Variants in PLXDC2 observed in about 807,000 individuals in gnomAD.
The protein encoded by PLXDC2 is plexin domain-containing protein 2.
A neutral mutation model predicts 68.9 loss-of-function variants in PLXDC2; 40 were observed. The ratio of observed to expected loss-of-function variants is 0.58; its 90% CI spans 0.45 to 0.76. The LOEUF is 0.76. Ranked by LOEUF, PLXDC2 falls within the 30% of genes least tolerant of loss-of-function variation. The pLI is 0.00. For synonymous variants in PLXDC2, 243 were observed against 234.2 expected (o/e 1.04, Z -0.34); for missense variants, 644 against 661.9 (o/e 0.97, Z 0.30).
At chr10:19,967,350 A>G (rs1439677496) in intron 1 of PLXDC2, among the ~76,000 whole-genome samples, 1 of 152,212 alleles carries the variant, frequency 6.6e-6, no homozygotes, top group African/African-American at 2.4e-5. Flanking sequence ...GTAAAAAGAA[A>G]GGATAGGAAC....
chr10:19,843,311 A>G (rs1362658708), intron 1 of PLXDC2, among the ~76,000 whole-genome samples: 2 of 152,180 alleles, frequency 1.3e-5, no homozygotes, highest in African/African-American at 4.8e-5. Context: ...TAATTTGATA[A>G]TTATTCAATG....
At chr10:19,972,160 T>C (rs543258059) in intron 1 of PLXDC2, among the ~76,000 whole-genome samples, 19 of 152,322 alleles carry the variant, frequency 1.2e-4, no homozygotes, top group African/African-American at 4.3e-4. Flanking sequence ...GTATACATTT[T>C]TGAGCAGGAC....
At chr10:19,875,885 A>C (rs1837620478) in intron 1 of PLXDC2, among the ~76,000 whole-genome samples, 1 of 152,212 alleles carries the variant, frequency 6.6e-6, no homozygotes, top group Non-Finnish European at 1.5e-5. Flanking sequence ...ATTTTGATTA[A>C]GAGAGAATAG....
At chr10:20,091,038 G>A (rs1444124968) in intron 4 of PLXDC2, among the ~76,000 whole-genome samples, 2 of 152,078 alleles carry the variant, frequency 1.3e-5, no homozygotes, top group African/African-American at 4.8e-5. Flanking sequence ...GTAGCTTTGT[G>A]AATTTAATTA....
chr10:20,188,365 T>C (rs1834714610), intron 9 of PLXDC2, among the ~76,000 whole-genome samples: 1 of 151,768 alleles, frequency 6.6e-6, no homozygotes, highest in South Asian at 2.1e-4. Context: ...TACTCATCTT[T>C]CTGTGTCTGG....
chr10:20,015,018 A>T (rs1186208335), intron 2 of PLXDC2, among the ~76,000 whole-genome samples: 1 of 152,220 alleles, frequency 6.6e-6, no homozygotes, highest in African/African-American at 2.4e-5. Context: ...GAGGAAGAGA[A>T]AATGATTTTC....
chr10:20,051,832 C>T (rs1319421273), intron 3 of PLXDC2, among the ~76,000 whole-genome samples: 1 of 152,004 alleles, frequency 6.6e-6, no homozygotes, highest in Non-Finnish European at 1.5e-5. Flanking sequence ...CAACCTGTTT[C>T]TCAAGAGGGC....
chr10:20,084,891 A>T (rs2131724622), intron 4 of PLXDC2, among the ~76,000 whole-genome samples: 1 of 152,164 alleles, frequency 6.6e-6, no homozygotes, highest in South Asian at 2.1e-4. Flanking sequence ...AAAAAAAAAA[A>T]AAAATAACAT....
At chr10:19,910,200 G>T (rs918271977) in intron 1 of PLXDC2, among the ~76,000 whole-genome samples, 1 of 149,400 alleles carries the variant, frequency 6.7e-6, no homozygotes, top group Non-Finnish European at 1.5e-5. Flanking sequence ...ATATATGTCT[G>T]CAAGTTCAGT....
intron 1 of PLXDC2, among the ~76,000 whole-genome samples, chr10:19,939,890 T>C (rs1833788821): frequency 6.7e-6 from 1 of 150,070 alleles, no homozygotes; most frequent in Non-Finnish European, 1.5e-5. Flanking sequence ...AGAATTCTAA[T>C]TTTCCACCTA....
chr10:19,981,712 G>C (rs528466113), intron 1 of PLXDC2, among the ~76,000 whole-genome samples: 33 of 152,300 alleles, frequency 2.2e-4, no homozygotes, highest in Non-Finnish European at 3.8e-4. Flanking sequence ...GCGCCTTTTT[G>C]TTAGGTTGCA....
intron 1 of PLXDC2, among the ~76,000 whole-genome samples, chr10:19,928,158 T>C (rs1273104837): frequency 2.0e-5 from 3 of 152,240 alleles, no homozygotes; most frequent in African/African-American, 7.2e-5. Context: ...TATTCCATAG[T>C]GTATATATAT....
intron 3 of PLXDC2, among the ~76,000 whole-genome samples, chr10:20,056,873 A>G (rs1836008011): frequency 6.6e-6 from 1 of 152,280 alleles, no homozygotes; most frequent in East Asian, 1.9e-4. Flanking sequence ...ATAAACATCT[A>G]TTCACCTTTT....
At chr10:19,861,995 T>C (rs917757582) in intron 1 of PLXDC2, among the ~76,000 whole-genome samples, 2 of 152,158 alleles carry the variant, frequency 1.3e-5, no homozygotes, top group African/African-American at 4.8e-5. Context: ...TCCTAAACTC[T>C]AAATATAGGA....
chr10:19,902,356 T>C (rs1449904694), intron 1 of PLXDC2, among the ~76,000 whole-genome samples: 2 of 152,212 alleles, frequency 1.3e-5, no homozygotes, highest in Non-Finnish European at 2.9e-5. Flanking sequence ...TTCTGCAGTG[T>C]TTTGTAGTTT....
intron 1 of PLXDC2, among the ~76,000 whole-genome samples, chr10:19,927,713 C>CAAAAAAAAAG (rs1833561898): frequency 1.9e-5 from 1 of 53,142 alleles, no homozygotes; most frequent in African/African-American, 7.9e-5. Flanking sequence ...GGAAAAAAAG[C>CAAAAAAAAAG]AAAAAAAAAA....
intron 12 of PLXDC2, among the ~76,000 whole-genome samples, chr10:20,244,555 AT>A: frequency 6.6e-6 from 1 of 152,140 alleles, no homozygotes; most frequent in Non-Finnish European, 1.5e-5. Flanking sequence ...TTTAAAACAG[AT>A]TTTTCACAAA....
intron 1 of PLXDC2, among the ~76,000 whole-genome samples, chr10:19,829,007 G>A (rs999459672): frequency 3.3e-5 from 5 of 151,944 alleles, no homozygotes; most frequent in East Asian, 1.9e-4. Flanking sequence ...GTGCCTTTCC[G>A]TTGCTCTCAT....
rs532654736 is a variant in PLXDC2 at position 19,895,385 on chromosome 10, C to G, written c.112+78194C>G. On this transcript the variant is annotated intron_variant, in intron 1 of 13. Coordinates refer to ENST00000377252, the MANE Select transcript of PLXDC2 (RefSeq NM_032812.9). ...GATGAAAACCGCAAAAGTGAGCTTC[C>G]TGTGCAATTCTAAATTTCCCAGTAG... Among the ~76,000 whole-genome samples, 75 of 152,170 alleles carry G rather than the reference C, an allele frequency of 4.9e-4. 1 individual carries two copies. The South Asian group carries it at 0.015, about 31-fold the overall frequency.
Sources: allele counts gnomAD v4.1 joint callset (sites outside exome capture counted in the v4.1 genomes callset), GRCh38; gene constraint gnomAD v4.1.1; transcripts MANE v1.5; gene names NCBI Gene and HGNC (gene_info 2026-07-23, HGNC 2026-07-21).